The following CNIH3 variants were observed in gnomAD, a reference collection of about 807,000 sequenced individuals.
The protein encoded by CNIH3 is cornichon family AMPA receptor auxiliary protein 3, also known as protein cornichon homolog 3.
Under a neutral mutation model 24.1 loss-of-function variants are expected in CNIH3, and 14 were observed. The ratio of observed to expected loss-of-function variants is 0.58; its 90% CI spans 0.38 to 0.91. The LOEUF is 0.91. Ranked by LOEUF, CNIH3 falls within the 40% of genes least tolerant of loss-of-function variation. The pLI, the probability that CNIH3 is intolerant of heterozygous loss-of-function variation, is 0.00. For synonymous variants in CNIH3, 68 were observed against 73.8 expected (o/e 0.92, Z 0.40); for missense variants, 178 against 196.8 (o/e 0.90, Z 0.57).
rs114098163 is a variant in CNIH3 at position 224,559,980 on chromosome 1, T to G, written n.451-6219T>G. On this transcript the variant is annotated intron_variant and non_coding_transcript_variant, in intron 3 of 5. Coordinates refer to the CNIH3 transcript ENST00000471578. Reference sequence around the variant, plus strand: ...ATTTTAGTTTCAACTATTTTTGAACTTTATATATTTATAACTTTATATAAT... The same window carrying G: ...ATTTTAGTTTCAACTATTTTTGAACGTTATATATTTATAACTTTATATAAT... Among the ~76,000 whole-genome samples, 610 of 152,312 alleles carry G rather than the reference T, an allele frequency of 4.0e-3. 1 individual carries two copies. The highest frequency in any genetic ancestry group is 0.014 in the African/African-American group (575 of 41,564).
At chr1:224,513,366 G>T (rs1367120109), upstream of CNIH3, among the ~76,000 whole-genome samples, 106 of 142,964 alleles carry the variant, frequency 7.4e-4, no homozygotes, top group African/African-American at 2.4e-3. Flanking sequence ...GGGTGGGAGG[G>T]GGGGGGTCTC....
intron 1 of CNIH3, among the ~76,000 whole-genome samples, chr1:224,634,613 G>T (rs563830025): frequency 8.6e-5 from 13 of 151,622 alleles, no homozygotes; most frequent in African/African-American, 2.9e-4. Flanking sequence ...TTGCTAGCTT[G>T]GTGTCTCCCA....
intron 1 of CNIH3, among the ~76,000 whole-genome samples, chr1:224,651,078 C>T (rs986099366): frequency 5.9e-5 from 9 of 152,234 alleles, no homozygotes; most frequent in East Asian, 5.8e-4. Flanking sequence ...CACACACACA[C>T]ACGCACAAAC....
chr1:224,624,255 G>C (rs1193829981), intron 1 of CNIH3, among the ~76,000 whole-genome samples: 3 of 152,206 alleles, frequency 2.0e-5, no homozygotes, highest in African/African-American at 4.8e-5. Flanking sequence ...TGAGACTGCT[G>C]TCCGTGTCTT....
At chr1:224,565,197 G>A (rs1680531057) in intron 3 of CNIH3, among the ~76,000 whole-genome samples, 1 of 152,260 alleles carries the variant, frequency 6.6e-6, no homozygotes, top group Non-Finnish European at 1.5e-5. Context: ...GTGTGTGTAT[G>A]TCTCTGTCTA....
chr1:224,680,940 C>T lies in CNIH3; in HGVS notation c.82-18C>T. On this transcript the variant is annotated intron_variant, in intron 1 of 5. Transcript: ENST00000272133. Reference sequence around the variant, plus strand: ...ACTCGTGTGCACTAACACCTCAAATCTCTGTATTCTGTTTCAGATAATTGC... The same window carrying T: ...ACTCGTGTGCACTAACACCTCAAATTTCTGTATTCTGTTTCAGATAATTGC... 6.2e-7 allele frequency: 1 copy of T among 1,603,066 alleles called. No individual in the cohort carries two copies. Among genetic ancestry groups the T allele is most frequent in the East Asian group, 2.2e-5 (1 of 44,790 alleles).
chr1:224,557,560 G>A lies in CNIH3; in HGVS notation n.451-8639G>A, dbSNP rs899902949. Among the ~76,000 whole-genome samples the A allele has an allele frequency of 4.4e-4, 67 of 152,220 alleles. 1 individual carries two copies. The highest frequency in any genetic ancestry group is 1.3e-3 in the African/African-American group (56 of 41,540). Reference sequence around the variant, plus strand: ...AGCTCACTGCAACCTCCACCTCCCCGGTTCAGGTGATTCTCCTGCCTCAGC... The same window carrying A: ...AGCTCACTGCAACCTCCACCTCCCCAGTTCAGGTGATTCTCCTGCCTCAGC... On this transcript the variant is annotated intron_variant and non_coding_transcript_variant, in intron 3 of 5. Coordinates refer to the CNIH3 transcript ENST00000471578.
At chr1:224,459,432 A>G (rs945777265) in intron 1 of CNIH3, among the ~76,000 whole-genome samples, 1 of 152,084 alleles carries the variant, frequency 6.6e-6, no homozygotes, top group Non-Finnish European at 1.5e-5. Context: ...TATCCCAAGT[A>G]TTTTCCTGTT....
At chr1:224,698,998 G>A (rs961532260) in intron 3 of CNIH3, among the ~76,000 whole-genome samples, 1 of 152,212 alleles carries the variant, frequency 6.6e-6, no homozygotes, top group African/African-American at 2.4e-5. Context: ...CACTTAGTAA[G>A]TGCAGGGTCT....
At chr1:224,692,696 A>C (rs1686988633) in intron 3 of CNIH3, among the ~76,000 whole-genome samples, 1 of 152,200 alleles carries the variant, frequency 6.6e-6, no homozygotes. Context: ...CAGAAAAGGA[A>C]ATTGAGGCTT....
intron 3 of CNIH3, among the ~76,000 whole-genome samples, chr1:224,547,754 G>T (rs912008867): frequency 1.3e-5 from 2 of 151,778 alleles, no homozygotes; most frequent in East Asian, 3.9e-4. Flanking sequence ...TGTATACCTC[G>T]TGATATTATT....
chr1:224,630,961 C>T (rs2125078150), intron 1 of CNIH3, among the ~76,000 whole-genome samples: 1 of 152,172 alleles, frequency 6.6e-6, no homozygotes, highest in South Asian at 2.1e-4. Flanking sequence ...GAGATTGAGA[C>T]CAGCCTGGCC....
chr1:224,656,925 A>G (rs1685125361), intron 1 of CNIH3, among the ~76,000 whole-genome samples: 1 of 152,180 alleles, frequency 6.6e-6, no homozygotes, highest in Non-Finnish European at 1.5e-5. Context: ...TCTGGGAGCT[A>G]CTTGTATCTT....
At chr1:224,524,274 C>T (rs1018613276) in intron 2 of CNIH3, among the ~76,000 whole-genome samples, 1 of 152,156 alleles carries the variant, frequency 6.6e-6, no homozygotes, top group African/African-American at 2.4e-5. Context: ...ACCTCAGTCC[C>T]CTGCTAGTGT....
chr1:224,507,444 G>A (rs1025652155), intron 1 of CNIH3, among the ~76,000 whole-genome samples: 1 of 152,132 alleles, frequency 6.6e-6, no homozygotes, highest in Admixed American at 6.5e-5. Flanking sequence ...CATTAAATGG[G>A]TTAATATTTT....
chr1:224,535,709 G>A (rs1679255927), intron 2 of CNIH3, among the ~76,000 whole-genome samples: 1 of 152,192 alleles, frequency 6.6e-6, no homozygotes, highest in Admixed American at 6.5e-5. Flanking sequence ...TGTGAACAGG[G>A]GTGAGGGAAG....
chr1:224,435,879 T>C (rs754488434), intron 1 of CNIH3: 6 of 152,232 alleles, frequency 3.9e-5, no homozygotes, highest in Non-Finnish European at 5.9e-5. Flanking sequence ...AGTCTTTCTC[T>C]GAAGTAGTTT....
chr1:224,457,901 C>T (rs960537915), intron 1 of CNIH3, among the ~76,000 whole-genome samples: 3 of 152,156 alleles, frequency 2.0e-5, no homozygotes, highest in African/African-American at 7.2e-5. Flanking sequence ...TAGAAAATTT[C>T]TGAAAGGTAT....
chr1:224,485,689 C>T (rs1234874849), intron 1 of CNIH3, among the ~76,000 whole-genome samples: 1 of 152,176 alleles, frequency 6.6e-6, no homozygotes, highest in African/African-American at 2.4e-5. Flanking sequence ...GATAGAATCT[C>T]ACTATGTTGT....
Sources: allele counts gnomAD v4.1 joint callset (sites outside exome capture counted in the v4.1 genomes callset), GRCh38; gene constraint gnomAD v4.1.1; transcripts MANE v1.5; gene names NCBI Gene and HGNC (gene_info 2026-07-23, HGNC 2026-07-21).